Variants in MAGI1 observed in about 807,000 individuals in gnomAD.
MAGI1 encodes the protein membrane associated guanylate kinase, WW and PDZ domain containing 1, also known as membrane-associated guanylate kinase, WW and PDZ domain-containing protein 1.
Under a neutral mutation model 139.9 loss-of-function variants are expected in MAGI1, and 58 were observed. That is an observed-to-expected ratio of 0.41 (90% CI 0.34 to 0.52). The LOEUF (loss-of-function observed/expected upper bound fraction) is 0.52, where lower values mean the gene tolerates loss of function less well. MAGI1 is among the 20% of genes least tolerant of loss of function. MAGI1 has a pLI of 0.12. For synonymous variants in MAGI1, 812 were observed against 737.9 expected (o/e 1.10, Z -1.63); for missense variants, 1,874 against 1,901.6 (o/e 0.99, Z 0.27).
chr3:65,405,680 C>T (rs561031036), intron 12 of MAGI1, among the ~76,000 whole-genome samples: 2 of 152,148 alleles, frequency 1.3e-5, no homozygotes, highest in South Asian at 2.1e-4. Flanking sequence ...CTGCAACCTC[C>T]GCCTCCCGGG....
rs190493820 is a variant in MAGI1 at position 65,813,892 on chromosome 3, T to C, written c.314-191804A>G. ...AAAAGCTCAATGAGTCTCTCGGACA[T>C]ATCTAAAGGTACCTTGCAGGAGTAA... is the stretch of plus-strand genomic sequence containing the variant. On this transcript the variant is annotated intron_variant, in intron 1 of 22. Coordinates refer to ENST00000402939, the MANE Select transcript of MAGI1 (RefSeq NM_001033057.2). 1.6e-4 allele frequency among the ~76,000 whole-genome samples: 25 copies of C among 152,290 alleles called. No homozygotes were observed. The East Asian group carries it at 4.6e-3, about 28-fold the overall frequency.
intron 1 of MAGI1, among the ~76,000 whole-genome samples, chr3:65,725,893 G>GA (rs939735888): frequency 6.6e-6 from 1 of 152,044 alleles, no homozygotes; most frequent in Non-Finnish European, 1.5e-5. Context: ...CTCAAATTCT[G>GA]AAAAAAACTT....
intron 1 of MAGI1, among the ~76,000 whole-genome samples, chr3:65,881,280 G>C (rs2060317635): frequency 6.6e-6 from 1 of 152,020 alleles, no homozygotes; most frequent in Non-Finnish European, 1.5e-5. Context: ...AGAGTACCTG[G>C]TATTAGGAAA....
intron 1 of MAGI1, among the ~76,000 whole-genome samples, chr3:65,840,307 G>A (rs1343875383): frequency 6.6e-6 from 1 of 152,154 alleles, no homozygotes; most frequent in Non-Finnish European, 1.5e-5. Context: ...TTGAATAGCA[G>A]TGGAGAAAAC....
rs571509127 is a variant in MAGI1 at position 65,775,995 on chromosome 3, C to T, written c.314-153907G>A. On this transcript the variant is annotated intron_variant, in intron 1 of 22. Coordinates refer to ENST00000402939, the MANE Select transcript of MAGI1 (RefSeq NM_001033057.2). ...TTCTTTGATGAATTTAAATTATTTG[C>T]AAAACAAAAACATTAAACAAACATT... Among the ~76,000 whole-genome samples, 3 of 151,128 alleles carry T rather than the reference C, an allele frequency of 2.0e-5. No homozygotes were observed. The South Asian group carries it at 6.3e-4, about 32-fold the overall frequency.
intron 1 of MAGI1, among the ~76,000 whole-genome samples, chr3:65,657,990 A>G (rs1205800893): frequency 6.6e-6 from 1 of 152,226 alleles, no homozygotes; most frequent in Non-Finnish European, 1.5e-5. Context: ...AATGTCTGGT[A>G]TAATTACCAA....
At chr3:65,550,506 C>G (rs2079771342) in intron 2 of MAGI1, among the ~76,000 whole-genome samples, 2 of 152,180 alleles carry the variant, frequency 1.3e-5, no homozygotes, top group Non-Finnish European at 2.9e-5. Flanking sequence ...CCAGAGAGCC[C>G]TGTTTGAACC....
chr3:65,687,950 T>C, intron 1 of MAGI1: 1 of 721,964 alleles, frequency 1.4e-6, no homozygotes, highest in East Asian at 3.2e-5. Flanking sequence ...AAAATGGCTC[T>C]CAGTTCACAG....
chr3:65,705,623 G>A lies in MAGI1; in HGVS notation c.314-83535C>T, dbSNP rs1576815026. Reference sequence around the variant, plus strand: ...TGCAGAAACCCTAATTTATGGCTTTGAATAATTCTCAAAAGCTAAGTCATA... The same window carrying A: ...TGCAGAAACCCTAATTTATGGCTTTAAATAATTCTCAAAAGCTAAGTCATA... On this transcript the variant is annotated intron_variant, in intron 1 of 22. Transcript: ENST00000402939. Among the ~76,000 whole-genome samples, 3 of 152,260 alleles carry A rather than the reference G, an allele frequency of 2.0e-5. No homozygotes were observed. The East Asian group carries it at 5.8e-4, about 29-fold the overall frequency.
intron 1 of MAGI1, among the ~76,000 whole-genome samples, chr3:65,942,492 GC>G (rs1379775326): frequency 6.6e-6 from 1 of 152,128 alleles, no homozygotes. Flanking sequence ...AAAACATTTG[GC>G]ATGATCCCGA....
intron 1 of MAGI1, among the ~76,000 whole-genome samples, chr3:65,882,827 T>A (rs1417480182): frequency 6.7e-6 from 1 of 150,180 alleles, no homozygotes; most frequent in Non-Finnish European, 1.5e-5. Flanking sequence ...CTCAGCTACT[T>A]GGGAGGCTGA....
At chr3:65,463,165 AT>A (rs1315368155) in intron 5 of MAGI1, among the ~76,000 whole-genome samples, 6 of 152,066 alleles carry the variant, frequency 3.9e-5, no homozygotes, top group Non-Finnish European at 8.8e-5. Flanking sequence ...AAGAGAGGGT[AT>A]CCTTGTCTTG....
At chr3:65,758,906 C>G (rs1283846766) in intron 1 of MAGI1, among the ~76,000 whole-genome samples, 1 of 151,890 alleles carries the variant, frequency 6.6e-6, no homozygotes, top group African/African-American at 2.4e-5. Context: ...TTTACTTAGT[C>G]CCCACATTTT....
chr3:65,533,939 T>C (rs577369152), intron 2 of MAGI1, among the ~76,000 whole-genome samples: 15 of 152,270 alleles, frequency 9.9e-5, no homozygotes, highest in Non-Finnish European at 1.9e-4. Context: ...ACTCAGAATG[T>C]TTTATAAAAA....
chr3:65,552,261 TG>T, intron 2 of MAGI1, among the ~76,000 whole-genome samples: 2 of 70,514 alleles, frequency 2.8e-5, no homozygotes. Flanking sequence ...TGTATAGGGG[TG>T]TGTGTGTGTG....
intron 1 of MAGI1, among the ~76,000 whole-genome samples, chr3:65,887,736 T>G (rs1461296869): frequency 1.3e-5 from 2 of 152,180 alleles, no homozygotes; most frequent in Non-Finnish European, 2.9e-5. Context: ...GGATAGTAAG[T>G]CAGTTCATCT....
intron 1 of MAGI1, among the ~76,000 whole-genome samples, chr3:66,014,769 T>C (rs945443046): frequency 1.3e-5 from 2 of 152,198 alleles, no homozygotes; most frequent in Admixed American, 6.5e-5. Flanking sequence ...AAAGGACACA[T>C]GCTATCTCAT....
chr3:65,775,071 C>T (rs186407622), intron 1 of MAGI1, among the ~76,000 whole-genome samples: 1 of 152,198 alleles, frequency 6.6e-6, no homozygotes, highest in Admixed American at 6.5e-5. Context: ...CCCAAAGAGC[C>T]ACATGAATGT....
chr3:66,015,103 G>A (rs2067552916), intron 1 of MAGI1, among the ~76,000 whole-genome samples: 1 of 150,994 alleles, frequency 6.6e-6, no homozygotes, highest in Non-Finnish European at 1.5e-5. Context: ...AGCACCTTGG[G>A]AGGCTGAGGC....
Sources: gnomAD v4.1 joint callset for allele counts (sites outside exome capture counted in the v4.1 genomes callset) on GRCh38, gnomAD v4.1.1 for gene constraint, MANE v1.5 for transcripts, NCBI Gene and HGNC (gene_info 2026-07-23, HGNC 2026-07-21) for gene names.